Variants in KIAA2012 observed in about 807,000 individuals in gnomAD.
KIAA2012 encodes the protein KIAA2012, also known as uncharacterized protein KIAA2012.
KIAA2012 carries 125 observed loss-of-function variants against 150.6 expected under a neutral mutation model. That is an observed-to-expected ratio of 0.83 (90% CI 0.72 to 0.96). The LOEUF is 0.96. Among genes scored for constraint, KIAA2012 ranks in the 40% least tolerant of loss-of-function variants. The probability of loss-of-function intolerance (pLI) is 0.00; values close to 1 mark genes in which losing one functional copy is unlikely to be tolerated. For missense variants in KIAA2012, 1,219 were observed against 1,354.9 expected, an observed-to-expected ratio of 0.90 and a Z score of 1.57; for synonymous variants, 462 against 504.7, an observed-to-expected ratio of 0.92 and a Z score of 1.13.
Position 202,090,838 on chromosome 2 carries a change from G to A in KIAA2012, c.438G>A (p.Arg146=). The A allele has an allele frequency of 6.4e-7, 1 of 1,550,602 alleles. No individual in the cohort carries two copies. Among genetic ancestry groups the A allele is most frequent in the Non-Finnish European group, 8.7e-7 (1 of 1,146,978 alleles). Residue 146 remains arginine (R), a synonymous_variant, in exon 3 of 24, where the codon CGG becomes CGA. Transcript: ENST00000498697. ...FRSQLESQAQ[R]QIQPGHSAKR... is the part of the protein sequence containing the mutation. ...GCCAGCTGGAGAGCCAGGCCCAACG[G>A]CAGATCCAGCCAGGGCATTCAGCCA... is the stretch of plus-strand genomic sequence containing the variant.
At chr2:202,102,276 G>A (rs1690063954) in intron 7 of KIAA2012, among the ~76,000 whole-genome samples, 1 of 152,078 alleles carries the variant, frequency 6.6e-6, no homozygotes, top group Non-Finnish European at 1.5e-5. Context: ...TTTCAGCTAT[G>A]TTCATATTAC....
intron 19 of KIAA2012, among the ~76,000 whole-genome samples, chr2:202,193,061 G>A (rs771793009): frequency 2.0e-5 from 3 of 152,244 alleles, no homozygotes; most frequent in East Asian, 1.9e-4. Context: ...AGACAATATC[G>A]GGAAGTTTAA....
At chr2:202,156,140 G>C (rs1012291267) in intron 14 of KIAA2012, among the ~76,000 whole-genome samples, 1 of 151,956 alleles carries the variant, frequency 6.6e-6, no homozygotes, top group African/African-American at 2.4e-5. Flanking sequence ...GATGTAGTGT[G>C]GTATGATTAC....
intron 11 of KIAA2012, among the ~76,000 whole-genome samples, chr2:202,118,623 A>G (rs1279244912): frequency 1.3e-5 from 2 of 152,226 alleles, no homozygotes; most frequent in Non-Finnish European, 2.9e-5. Flanking sequence ...AACCCTGACT[A>G]AAAAGCTCTC....
At chr2:202,150,242 A>T (rs993433359) in intron 13 of KIAA2012, among the ~76,000 whole-genome samples, 77 of 152,226 alleles carry the variant, frequency 5.1e-4, no homozygotes, top group African/African-American at 1.9e-3. Context: ...GCTTTACCAA[A>T]TTAACTCGTT....
chr2:202,087,100 G>T (rs1356495855), intron 2 of KIAA2012, among the ~76,000 whole-genome samples: 1 of 152,134 alleles, frequency 6.6e-6, no homozygotes, highest in Non-Finnish European at 1.5e-5. Context: ...ACACAACCAT[G>T]ACCATTTGTT....
chr2:202,076,599 T>C (rs1689328652), intron 2 of KIAA2012, among the ~76,000 whole-genome samples: 1 of 152,218 alleles, frequency 6.6e-6, no homozygotes. Flanking sequence ...ACAAAGACCC[T>C]GTGCGATATA....
At chr2:202,091,013 TGAAACACC>T (rs1319699559) in intron 3 of KIAA2012, 84 bp downstream of exon 3, 2 of 1,434,426 alleles carry the variant, frequency 1.4e-6, no homozygotes, top group East Asian at 5.1e-5. Flanking sequence ...CATCAAGACC[TGAAACACC>T]AGGATTTCAA....
At chr2:202,193,625 T>G in intron 20 of KIAA2012, 122 bp downstream of exon 20, 2 of 963,062 alleles carry the variant, frequency 2.1e-6, no homozygotes, top group Non-Finnish European at 3.1e-6. Flanking sequence ...TAAAATAGCA[T>G]GTGTCATTTT....
chr2:202,179,938 T>A, intron 15 of KIAA2012: 1 of 796,596 alleles, frequency 1.3e-6, no homozygotes, highest in Non-Finnish European at 2.0e-6. Context: ...TCAACGAAGC[T>A]GGATTTAGGG....
At chr2:202,111,340 CAAAAA>C (rs67625607) in intron 10 of KIAA2012, among the ~76,000 whole-genome samples, 5 of 83,856 alleles carry the variant, frequency 6.0e-5, no homozygotes, top group African/African-American at 1.6e-4. Flanking sequence ...ACTAAAAATA[CAAAAA>C]AAAAAAAAAA....
At position 202,099,743 on chromosome 2, in the gene KIAA2012, C is replaced by T. The variant is rs1394388129; in HGVS notation, c.959C>T (p.Ser320Phe). The part of the protein sequence containing the change: ...IDHSWLPSDK[S>F]HITFCGGAFP... ...CACTCTTGGCTCCCAAGTGACAAATCCCACATTACATTCTGTGGAGGCGCC... is the reference window on the plus strand; with the variant it reads ...CACTCTTGGCTCCCAAGTGACAAATTCCACATTACATTCTGTGGAGGCGCC... Residue 320 changes from serine to phenylalanine, a missense_variant, in exon 6 of 24, where the codon TCC (serine) becomes TTC (phenylalanine). Ser to Phe is a radical substitution (Grantham distance 155). Transcript: ENST00000498697. The T allele has an allele frequency of 1.5e-5, 24 of 1,550,544 alleles. No homozygotes were observed. The highest frequency in any genetic ancestry group is 2.0e-5 in the Non-Finnish European group (23 of 1,146,972).
rs911280089 is a variant in KIAA2012 at position 202,103,111 on chromosome 2, A to C, written c.1321A>C (p.Arg441=). 6.4e-7 allele frequency: 1 copy of C among 1,550,406 alleles called. No individual in the cohort carries two copies. Among genetic ancestry groups the C allele is most frequent in the Non-Finnish European group, 8.7e-7 (1 of 1,146,976 alleles). The change falls in exon 8 of 24, where the codon AGA becomes CGA. Residue 441 remains arginine (R), a synonymous_variant. Coordinates refer to ENST00000498697, the MANE Select transcript of KIAA2012 (RefSeq NM_001277372.4). ...ACCCCCAAAAGAGAAAGCCCACAGAAGAGGTAGGTCCCGGGTGCATGGGCA... is the reference window on the plus strand; with the variant it reads ...ACCCCCAAAAGAGAAAGCCCACAGACGAGGTAGGTCCCGGGTGCATGGGCA... ...KQPPKEKAHR[R]GAPHPESEPE...
chr2:202,087,170 A>G (rs762661085), intron 2 of KIAA2012, among the ~76,000 whole-genome samples: 7 of 152,080 alleles, frequency 4.6e-5, no homozygotes, highest in Non-Finnish European at 1.0e-4. Flanking sequence ...GGCAACAGAG[A>G]CCATATGGCC....
intron 14 of KIAA2012, among the ~76,000 whole-genome samples, chr2:202,156,912 C>T (rs1358335276): frequency 2.6e-5 from 4 of 152,044 alleles, no homozygotes; most frequent in South Asian, 2.1e-4. Flanking sequence ...CATCTAAGAA[C>T]GCAGAATTCA....
intron 15 of KIAA2012, among the ~76,000 whole-genome samples, chr2:202,171,516 G>A (rs1691892788): frequency 6.6e-6 from 1 of 152,210 alleles, no homozygotes; most frequent in African/African-American, 2.4e-5. Context: ...GCTCCTCGCT[G>A]GTGAGCTCAA....
chr2:202,096,042 C>CA (rs1193913657), intron 4 of KIAA2012, among the ~76,000 whole-genome samples: 19 of 152,104 alleles, frequency 1.2e-4, no homozygotes, highest in Non-Finnish European at 1.5e-4. Context: ...CAAGATCATG[C>CA]CACTGCACTC....
chr2:202,197,247 C>T (rs903957441), intron 22 of KIAA2012: 11 of 642,964 alleles, frequency 1.7e-5, no homozygotes, highest in East Asian at 8.7e-5. Flanking sequence ...GAGATATCTA[C>T]GTCAACCCCC....
chr2:202,156,624 G>GC (rs1691532694), intron 14 of KIAA2012, among the ~76,000 whole-genome samples: 1 of 152,002 alleles, frequency 6.6e-6, no homozygotes, highest in African/African-American at 2.4e-5. Context: ...AGTGACTCAC[G>GC]CCTGTAATCC....
Sources: gnomAD v4.1 joint callset for allele counts (sites outside exome capture counted in the v4.1 genomes callset) on GRCh38, gnomAD v4.1.1 for gene constraint, MANE v1.5 for transcripts, NCBI Gene and HGNC (gene_info 2026-07-23, HGNC 2026-07-21) for gene names.